Variants in VAMP7 observed in about 807,000 individuals in gnomAD.
The protein encoded by VAMP7 is vesicle associated membrane protein 7, also known as vesicle-associated membrane protein 7.
A neutral mutation model predicts 29.6 loss-of-function variants in VAMP7; 14 were observed. The ratio of observed to expected loss-of-function variants is 0.47; its 90% CI spans 0.31 to 0.74. The LOEUF (loss-of-function observed/expected upper bound fraction) is 0.74, where lower values mean the gene tolerates loss of function less well. Ranked by LOEUF, VAMP7 falls within the 30% of genes least tolerant of loss-of-function variation. The pLI, the probability that VAMP7 is intolerant of heterozygous loss-of-function variation, is 0.05. For synonymous variants in VAMP7, 95 were observed against 88.1 expected (o/e 1.08, Z -0.44); for missense variants, 223 against 262.4 (o/e 0.85, Z 1.04).
intron 5 of VAMP7, among the ~76,000 whole-genome samples, chrX:155,908,151 C>T (rs370338867): frequency 3.9e-4 from 60 of 152,118 alleles, no homozygotes; most frequent in African/African-American, 1.2e-3. Context: ...ACTTCCCAGA[C>T]GGGGTGGCGG....
intron 6 of VAMP7, among the ~76,000 whole-genome samples, chrX:155,939,041 T>A (rs1452438744): frequency 1.3e-5 from 2 of 151,754 alleles, no homozygotes; most frequent in Non-Finnish European, 2.9e-5. Context: ...AGTAGTGCTG[T>A]CCAAAACATT....
intron 5 of VAMP7, among the ~76,000 whole-genome samples, chrX:155,919,201 G>T (rs1276689656): frequency 6.6e-6 from 1 of 152,094 alleles, no homozygotes; most frequent in African/African-American, 2.4e-5. Flanking sequence ...GAAGCCAGCT[G>T]ATTCTGGGCA....
chrX:155,904,393 G>C (rs1410923338), intron 5 of VAMP7, among the ~76,000 whole-genome samples: 1 of 151,532 alleles, frequency 6.6e-6, no homozygotes, highest in Non-Finnish European at 1.5e-5. Context: ...TTTAAAATGT[G>C]ACAAGAACAT....
intron 6 of VAMP7, among the ~76,000 whole-genome samples, chrX:155,920,520 A>G (rs2066380184): frequency 6.6e-6 from 1 of 152,216 alleles, no homozygotes; most frequent in Admixed American, 6.5e-5. Flanking sequence ...ATGTAAATGT[A>G]CAGTGCAGGT....
intron 6 of VAMP7, among the ~76,000 whole-genome samples, chrX:155,937,094 A>G (rs181004085): frequency 5.1e-4 from 78 of 152,294 alleles, no homozygotes; most frequent in Non-Finnish European, 9.0e-4. Context: ...GGCATTTTTC[A>G]CAGAATAGAA....
At chrX:155,890,194 G>A (rs937955746) in intron 2 of VAMP7, among the ~76,000 whole-genome samples, 2 of 152,024 alleles carry the variant, frequency 1.3e-5, no homozygotes, top group Non-Finnish European at 2.9e-5. Context: ...TGTTCTCTGT[G>A]ACTGGTGCCC....
At chrX:155,888,765 A>G (rs976757391) in intron 1 of VAMP7, among the ~76,000 whole-genome samples, 1 of 152,158 alleles carries the variant, frequency 6.6e-6, no homozygotes. Flanking sequence ...GGCAGTGTAC[A>G]GTAAAAGGCT....
intron 3 of VAMP7, among the ~76,000 whole-genome samples, chrX:155,896,722 C>T (rs2065992651): frequency 1.3e-5 from 2 of 152,108 alleles, no homozygotes. Flanking sequence ...AAGTGAACTT[C>T]CTTTCATGTC....
At chrX:155,894,277 C>T (rs938720593) in intron 2 of VAMP7, among the ~76,000 whole-genome samples, 19 of 150,018 alleles carry the variant, frequency 1.3e-4, no homozygotes, top group African/African-American at 3.4e-4. Context: ...GTCAGTTTTC[C>T]GCACTCTAGC....
chrX:155,882,237 T>C (rs2065811094), intron 1 of VAMP7, among the ~76,000 whole-genome samples: 1 of 152,178 alleles, frequency 6.6e-6, no homozygotes, highest in Non-Finnish European at 1.5e-5. Flanking sequence ...GGCTGGTATA[T>C]GCTTGACACT....
chrX:155,912,204 A>T (rs978779732), intron 5 of VAMP7, among the ~76,000 whole-genome samples: 2 of 151,684 alleles, frequency 1.3e-5, no homozygotes, highest in Non-Finnish European at 2.9e-5. Flanking sequence ...GAGATGTTGA[A>T]TTTTTTTTGA....
chrX:155,899,299 G>A (rs1396305725), intron 4 of VAMP7, among the ~76,000 whole-genome samples: 1 of 151,722 alleles, frequency 6.6e-6, no homozygotes, highest in African/African-American at 2.4e-5. Context: ...TACTTGATGT[G>A]GTCTTAAGTT....
At chrX:155,911,175 C>G (rs1439220532) in intron 5 of VAMP7, among the ~76,000 whole-genome samples, 2 of 152,146 alleles carry the variant, frequency 1.3e-5, no homozygotes, top group African/African-American at 4.8e-5. Context: ...TTTCCCAATA[C>G]CATTTATTGA....
rs749929988 is a variant in VAMP7, at chrX:155,929,710, A to G, written c.501+9830A>G. Reference sequence around the variant, plus strand: ...GATGGAAAGACGTAAAAAAGGTACCATGGCTTAAAGAACTTAGTGAGGTCT... The same window carrying G: ...GATGGAAAGACGTAAAAAAGGTACCGTGGCTTAAAGAACTTAGTGAGGTCT... On this transcript the variant is annotated intron_variant, in intron 6 of 7. Coordinates refer to ENST00000286448, the MANE Select transcript of VAMP7 (RefSeq NM_005638.6). Among the ~76,000 whole-genome samples, 4 of 152,320 alleles carry G rather than the reference A, an allele frequency of 2.6e-5. No individual in the cohort carries two copies. In the East Asian group the frequency reaches 5.8e-4, roughly 22 times the overall value.
chrX:155,920,488 A>G (rs1318785358), intron 6 of VAMP7, among the ~76,000 whole-genome samples: 2 of 152,296 alleles, frequency 1.3e-5, no homozygotes, highest in South Asian at 4.2e-4. Context: ...ATCAGCTACA[A>G]TTTGGGTCTA....
intron 2 of VAMP7, among the ~76,000 whole-genome samples, chrX:155,893,280 G>C (rs1443613112): frequency 1.3e-5 from 2 of 152,140 alleles, no homozygotes; most frequent in African/African-American, 2.4e-5. Context: ...GTAGACAGTA[G>C]TGTAGGTAGT....
intron 6 of VAMP7, among the ~76,000 whole-genome samples, chrX:155,925,397 G>A (rs369099417): frequency 4.1e-4 from 62 of 152,282 alleles, no homozygotes; most frequent in African/African-American, 1.4e-3. Context: ...GCAGCAGAAT[G>A]GATGTTGTAT....
chrX:155,927,839 G>C (rs1317023225), intron 6 of VAMP7, among the ~76,000 whole-genome samples: 1 of 148,956 alleles, frequency 6.7e-6, no homozygotes, highest in African/African-American at 2.5e-5. Context: ...TGTTCTCAAA[G>C]AGATTGTCAT....
chrX:155,884,179 G>C (rs1266403417), intron 1 of VAMP7, among the ~76,000 whole-genome samples: 1 of 151,794 alleles, frequency 6.6e-6, no homozygotes, highest in Non-Finnish European at 1.5e-5. Flanking sequence ...CCAGGCTGGA[G>C]TGCAATGGCA....
Sources: allele counts gnomAD v4.1 joint callset (sites outside exome capture counted in the v4.1 genomes callset), GRCh38; gene constraint gnomAD v4.1.1; transcripts MANE v1.5; gene names NCBI Gene and HGNC (gene_info 2026-07-23, HGNC 2026-07-21).